The following NIBAN2 variants were observed in gnomAD, a reference collection of about 807,000 sequenced individuals.
The protein encoded by NIBAN2 is protein Niban 2.
A neutral mutation model predicts 81.8 loss-of-function variants in NIBAN2; 36 were observed. The observed-to-expected ratio is 0.44, with a 90% CI of 0.34 to 0.58. NIBAN2 has a LOEUF of 0.58. Ranked by LOEUF, NIBAN2 falls within the 20% of genes least tolerant of loss-of-function variation. NIBAN2 has a pLI of 0.02. For synonymous variants in NIBAN2, 445 were observed against 441.6 expected (o/e 1.01, Z -0.10); for missense variants, 897 against 1,014.1 (o/e 0.88, Z 1.57).
chr9:127,553,413 T>A (rs1167606093), intron 1 of NIBAN2, among the ~76,000 whole-genome samples: 1 of 151,758 alleles, frequency 6.6e-6, no homozygotes, highest in Non-Finnish European at 1.5e-5. Context: ...AGGGAAGGAG[T>A]TCCCTGGCTG....
intron 1 of NIBAN2, among the ~76,000 whole-genome samples, chr9:127,532,640 C>T (rs1362744457): frequency 3.3e-5 from 5 of 151,752 alleles, no homozygotes; most frequent in Non-Finnish European, 5.9e-5. Context: ...GGGACCTATC[C>T]GGATAGGTGC....
chr9:127,569,211 G>A (rs113464219), upstream of NIBAN2: 2 of 449,638 alleles, frequency 4.4e-6, no homozygotes, highest in African/African-American at 3.4e-5. Flanking sequence ...GCCCCGCCCC[G>A]CCCTCGGTCC....
chr9:127,510,055 A>C, intron 9 of NIBAN2, 91 bp downstream of exon 9: 1 of 1,243,598 alleles, frequency 8.0e-7, no homozygotes, highest in Non-Finnish European at 1.1e-6. Context: ...TTGGAGGGGA[A>C]CGGCTGCCCG....
chr9:127,537,332 C>T (rs766436708), intron 1 of NIBAN2, among the ~76,000 whole-genome samples: 6 of 152,348 alleles, frequency 3.9e-5, no homozygotes, highest in Admixed American at 1.3e-4. Flanking sequence ...CCTCCATAAA[C>T]GTCACTGTTA....
chr9:127,568,204 G>A (rs1431406518), intron 1 of NIBAN2, among the ~76,000 whole-genome samples: 1 of 152,164 alleles, frequency 6.6e-6, no homozygotes, highest in Non-Finnish European at 1.5e-5. Context: ...CCGGTCCCTG[G>A]GCCCCTGCTG....
intron 1 of NIBAN2, among the ~76,000 whole-genome samples, chr9:127,576,354 G>A (rs1564325214): frequency 6.6e-6 from 1 of 152,010 alleles, no homozygotes; most frequent in African/African-American, 2.4e-5. Flanking sequence ...CCAGGAAGGG[G>A]GTGCCTTACC....
At chr9:127,558,483 G>T (rs1414648836) in intron 1 of NIBAN2, among the ~76,000 whole-genome samples, 2 of 152,150 alleles carry the variant, frequency 1.3e-5, no homozygotes, top group Non-Finnish European at 2.9e-5. Flanking sequence ...GAAAAAGGAG[G>T]GGATTGGTTA....
At chr9:127,565,929 G>GTCTCTCTCTC (rs746193186) in intron 1 of NIBAN2, among the ~76,000 whole-genome samples, 1 of 138,746 alleles carries the variant, frequency 7.2e-6, no homozygotes, top group African/African-American at 2.8e-5. Context: ...GGGAGACCCT[G>GTCTCTCTCTC]TCTCTCTCTC....
intron 8 of NIBAN2, among the ~76,000 whole-genome samples, chr9:127,510,749 T>C (rs759243611): frequency 4.6e-5 from 7 of 152,100 alleles, no homozygotes; most frequent in Non-Finnish European, 5.9e-5. Flanking sequence ...ATTATTTTAT[T>C]TGAGACAGGG....
Position 127,507,236 on chromosome 9 carries a change from C to A in NIBAN2, c.1850G>T (p.Arg617Leu), listed in dbSNP as rs745760357. Residue 617 changes from arginine (R) to leucine (L), a missense_variant, in exon 14 of 14, where the codon CGG becomes CTG. Coordinates refer to ENST00000373312, the MANE Select transcript of NIBAN2 (RefSeq NM_022833.4). This position sits in a 1 kb window ranked among gnomAD's most constrained non-coding sequence, Gnocchi z 6.8. ...CACAGAGACCACCTGCTTGGCGCGC[C>A]GTCGCTTTTCCGAGAGGGTGGCTGA... ...PESATLSEKR[R>L]RAKQVVSVVQ... 1 of 1,610,832 alleles carries A rather than the reference C, an allele frequency of 6.2e-7. No individual in the cohort carries two copies. The highest frequency in any genetic ancestry group is 8.5e-7 in the Non-Finnish European group (1 of 1,178,168).
chr9:127,569,142 G>T, upstream of NIBAN2: 1 of 857,604 alleles, frequency 1.2e-6, no homozygotes, highest in Non-Finnish European at 1.4e-6. Flanking sequence ...CGCCCCCGCA[G>T]GCCAACCCCG....
chr9:127,568,757 C>A, intron 1 of NIBAN2, 63 bp downstream of exon 1: 1 of 1,217,868 alleles, frequency 8.2e-7, no homozygotes, highest in Admixed American at 4.4e-5. Context: ...CTGGCCGGGG[C>A]GGGGGCGTGG....
chr9:127,519,275 G>A (rs1194407776), intron 5 of NIBAN2, among the ~76,000 whole-genome samples: 1 of 151,720 alleles, frequency 6.6e-6, no homozygotes, highest in Non-Finnish European at 1.5e-5. Flanking sequence ...GGTGCTGTCA[G>A]TGGCCCAAAC....
chr9:127,573,449 C>CTT (rs11394598), upstream of NIBAN2, among the ~76,000 whole-genome samples: 33,744 of 146,066 alleles, frequency 0.23, 4,607 homozygotes, highest in East Asian at 0.53. Context: ...GTTATTTGCC[C>CTT]TTTTTTTTTT....
chr9:127,514,190 G>A (rs1288765156), intron 8 of NIBAN2, among the ~76,000 whole-genome samples: 2 of 150,576 alleles, frequency 1.3e-5, no homozygotes, highest in Admixed American at 6.7e-5. Flanking sequence ...AATCACTTGA[G>A]CCTGGGAGGC....
At chr9:127,543,882 GT>G (rs1480063885) in intron 1 of NIBAN2, among the ~76,000 whole-genome samples, 1 of 152,220 alleles carries the variant, frequency 6.6e-6, no homozygotes, top group Non-Finnish European at 1.5e-5. Flanking sequence ...AGTTAGTTCT[GT>G]GCCAGGCACA....
intron 1 of NIBAN2, among the ~76,000 whole-genome samples, chr9:127,566,327 A>G (rs2249216): frequency 0.27 from 40,751 of 151,858 alleles, 5,632 homozygotes; most frequent in East Asian, 0.29. Flanking sequence ...GAAGTGGCCT[A>G]CCCAAGGATC....
chr9:127,527,398 C>G, intron 2 of NIBAN2, 76 bp from the exon 3 acceptor site: 1 of 1,426,232 alleles, frequency 7.0e-7, no homozygotes, highest in East Asian at 2.3e-5. Context: ...ATGGCCCAGC[C>G]AGCAGAGCCT....
intron 8 of NIBAN2, 46 bp from the exon 9 acceptor site, chr9:127,510,379 C>T (rs779038674): frequency 3.4e-6 from 5 of 1,483,684 alleles, no homozygotes; most frequent in Non-Finnish European, 4.6e-6. Context: ...CCAAGGAGCA[C>T]CTCCCAGCCA....
Sources: gnomAD v4.1 joint callset for allele counts (sites outside exome capture counted in the v4.1 genomes callset) on GRCh38, gnomAD v4.1.1 for gene constraint, Gnocchi (gnomAD v3.1) non-coding constraint, MANE v1.5 for transcripts, NCBI Gene and HGNC (gene_info 2026-07-23, HGNC 2026-07-21) for gene names.